GSK3B: variants seen among roughly 807,000 people sequenced by gnomAD.
GSK3B encodes the protein glycogen synthase kinase 3 beta.
Under a neutral mutation model 56.4 loss-of-function variants are expected in GSK3B, and 15 were observed. The observed-to-expected ratio is 0.27, with a 90% CI of 0.18 to 0.41. The LOEUF is 0.41. Ranked by LOEUF, GSK3B falls within the 10% of genes least tolerant of loss-of-function variation. The probability of loss-of-function intolerance (pLI) is 1.00; values close to 1 mark genes in which losing one functional copy is unlikely to be tolerated. For missense variants in GSK3B, 300 were observed against 513.4 expected, an observed-to-expected ratio of 0.58 and a Z score of 4.02; for synonymous variants, 181 against 188.9, an observed-to-expected ratio of 0.96 and a Z score of 0.34.
At chr3:119,984,757 G>A (rs1046943626) in intron 2 of GSK3B, among the ~76,000 whole-genome samples, 9 of 149,608 alleles carry the variant, frequency 6.0e-5, no homozygotes, top group Admixed American at 2.0e-4. Flanking sequence ...CAGGACCAGA[G>A]GTACAAAGAG....
intron 6 of GSK3B, among the ~76,000 whole-genome samples, chr3:119,909,399 A>C (rs2107450944): frequency 1.3e-5 from 2 of 152,230 alleles, no homozygotes; most frequent in Middle Eastern, 6.8e-3. Context: ...TTCTGGACTA[A>C]AGGAATTCTC....
intron 2 of GSK3B, among the ~76,000 whole-genome samples, chr3:119,973,152 A>T (rs1466144933): frequency 6.6e-6 from 1 of 152,190 alleles, no homozygotes; most frequent in East Asian, 1.9e-4. Flanking sequence ...CTAAGTAGTA[A>T]GCATTATTAC....
intron 4 of GSK3B, among the ~76,000 whole-genome samples, chr3:119,922,275 A>AAGGG (rs1559837917): frequency 3.5e-5 from 5 of 142,330 alleles, no homozygotes; most frequent in African/African-American, 1.0e-4. Flanking sequence ...GGAAGGAAGG[A>AAGGG]AGGGAGGAGG....
At position 119,843,595 on chromosome 3, in the gene GSK3B, T is replaced by G. The variant is rs190714017; in HGVS notation, c.1097-242A>C. 15 of 208,794 alleles carry G rather than the reference T, an allele frequency of 7.2e-5. No homozygotes were observed. In the East Asian group the frequency reaches 2.2e-3, roughly 30 times the overall value. The allele number at this position is 208,794 out of a possible 1,614,324, so 12.9% of individuals were successfully genotyped here. A position where few individuals can be genotyped will look rare whatever the true frequency, so the allele number is the denominator to read the frequency against. ...CCGTCTCTACTAAAAATACAAAAAT[T>G]AGGGGATCAATGCAACAAGAAGAGC... is the stretch of plus-strand genomic sequence containing the variant. On this transcript the variant is annotated intron_variant, in intron 9 of 10. Coordinates refer to ENST00000264235, the MANE Select transcript of GSK3B (RefSeq NM_001146156.2).
Position 119,956,046 on chromosome 3 carries a change from C to G in GSK3B, c.283-8695G>C, listed in dbSNP as rs190857691. On this transcript the variant is annotated intron_variant, in intron 2 of 10. Coordinates refer to ENST00000264235, the MANE Select transcript of GSK3B (RefSeq NM_001146156.2). ...GCGGCGGATAAAACTAGGATCTACA[C>G]TAGTAAAAACAGAGAAAAACAAATG... 5.9e-5 allele frequency among the ~76,000 whole-genome samples: 9 copies of G among 152,216 alleles called. No individual in the cohort carries two copies. In the East Asian group the frequency reaches 1.7e-3, roughly 29 times the overall value.
chr3:119,974,615 A>C (rs1009574424), intron 2 of GSK3B, among the ~76,000 whole-genome samples: 4 of 152,222 alleles, frequency 2.6e-5, no homozygotes, highest in Non-Finnish European at 5.9e-5. Context: ...TGTTACTTAT[A>C]ACCCACCCAT....
chr3:119,983,147 G>A (rs1355339020), intron 2 of GSK3B, among the ~76,000 whole-genome samples: 1 of 152,108 alleles, frequency 6.6e-6, no homozygotes, highest in Non-Finnish European at 1.5e-5. Flanking sequence ...TTACAGACAA[G>A]CAAATGCTGA....
intron 3 of GSK3B, among the ~76,000 whole-genome samples, chr3:119,946,944 T>A (rs1164681132): frequency 6.6e-6 from 1 of 151,640 alleles, no homozygotes; most frequent in African/African-American, 2.4e-5. Flanking sequence ...AATAAATAGG[T>A]AAACTATCAG....
intron 7 of GSK3B, among the ~76,000 whole-genome samples, chr3:119,892,986 G>A (rs1286356734): frequency 6.6e-6 from 1 of 151,800 alleles, no homozygotes; most frequent in Non-Finnish European, 1.5e-5. Flanking sequence ...ATCTCCTCTG[G>A]CATTTTCCTA....
chr3:119,913,764 C>T (rs2056756495), intron 5 of GSK3B, among the ~76,000 whole-genome samples: 2 of 151,764 alleles, frequency 1.3e-5, no homozygotes, highest in African/African-American at 4.8e-5. Flanking sequence ...TATTTCTAGT[C>T]AATGATGACT....
At chr3:119,910,955 A>C (rs1056994461) in intron 6 of GSK3B, among the ~76,000 whole-genome samples, 6 of 152,176 alleles carry the variant, frequency 3.9e-5, no homozygotes, top group African/African-American at 1.4e-4. Flanking sequence ...CTCCACTTCT[A>C]ATTCTAGTTC....
At chr3:119,947,604 A>C (rs2057112764) in intron 2 of GSK3B, among the ~76,000 whole-genome samples, 1 of 152,196 alleles carries the variant, frequency 6.6e-6, no homozygotes, top group Non-Finnish European at 1.5e-5. Flanking sequence ...ATGAGAGAAT[A>C]AATTGATATC....
At chr3:120,033,742 T>C (rs1202052464) in intron 1 of GSK3B, among the ~76,000 whole-genome samples, 1 of 152,168 alleles carries the variant, frequency 6.6e-6, no homozygotes, top group Non-Finnish European at 1.5e-5. Flanking sequence ...TCACGAGATC[T>C]AGTTGTTTGA....
At chr3:119,830,831 T>C (rs1440622981) in intron 10 of GSK3B, among the ~76,000 whole-genome samples, 1 of 152,220 alleles carries the variant, frequency 6.6e-6, no homozygotes, top group East Asian at 1.9e-4. Flanking sequence ...GGTAAAATGG[T>C]AGTAATACCA....
chr3:119,832,179 A>G (rs2055612397), intron 10 of GSK3B, among the ~76,000 whole-genome samples: 1 of 152,236 alleles, frequency 6.6e-6, no homozygotes, highest in African/African-American at 2.4e-5. Flanking sequence ...GCCAGCTGCA[A>G]TGATGTGAGA....
Position 119,991,675 on chromosome 3 carries a change from TAC to T in GSK3B, c.282+10369_282+10370del, listed in dbSNP as rs1576253950. 5.9e-5 allele frequency among the ~76,000 whole-genome samples: 9 copies of T among 152,246 alleles called. No homozygotes were observed. The South Asian group carries it at 6.2e-4, about 11-fold the overall frequency. ...CTATGTAAATCACAGATTTTAAAAC[TAC>T]AGACTTTTAAGTTGTCAGAGAAATT... is the stretch of plus-strand genomic sequence containing the variant. On this transcript the variant is annotated intron_variant, in intron 2 of 10. Coordinates refer to ENST00000264235, the MANE Select transcript of GSK3B (RefSeq NM_001146156.2).
At chr3:119,986,242 A>G (rs141346001) in intron 2 of GSK3B, among the ~76,000 whole-genome samples, 3,425 of 152,212 alleles carry the variant, frequency 0.023, 108 homozygotes, top group African/African-American at 0.078. Context: ...CTAGAAGAAA[A>G]CCTAGGCAAT....
chr3:119,860,197 G>A (rs1281021141), intron 9 of GSK3B, among the ~76,000 whole-genome samples: 6 of 152,108 alleles, frequency 3.9e-5, no homozygotes, highest in African/African-American at 4.8e-5. Context: ...CTTGGAATAG[G>A]CAACAAATTA....
chr3:120,004,468 T>A (rs773920586), intron 1 of GSK3B, among the ~76,000 whole-genome samples: 2 of 152,168 alleles, frequency 1.3e-5, no homozygotes, highest in Non-Finnish European at 2.9e-5. Flanking sequence ...GTTATCCAAG[T>A]GGTTCCCTGA....
Sources: allele counts gnomAD v4.1 joint callset (sites outside exome capture counted in the v4.1 genomes callset), GRCh38; gene constraint gnomAD v4.1.1; transcripts MANE v1.5; gene names NCBI Gene and HGNC (gene_info 2026-07-23, HGNC 2026-07-21).